MAL2: variants seen among roughly 807,000 people sequenced by gnomAD.
MAL2 encodes mal, T cell differentiation protein 2, also known as protein MAL2.
MAL2 carries 17 observed loss-of-function variants against 18.1 expected under a neutral mutation model. That is an observed-to-expected ratio of 0.94 (90% CI 0.64 to 1.41). The LOEUF (loss-of-function observed/expected upper bound fraction) is 1.41. Among genes scored for constraint, MAL2 ranks in the 40% most tolerant of loss-of-function variants. MAL2 has a pLI of 0.00. For missense variants in MAL2, 222 were observed against 231.9 expected, an observed-to-expected ratio of 0.96 and a Z score of 0.28; for synonymous variants, 102 against 102.3, an observed-to-expected ratio of 1.00 and a Z score of 0.02.
chr8:119,213,572 A>G (rs1013696421), intron 1 of MAL2, among the ~76,000 whole-genome samples: 2 of 152,134 alleles, frequency 1.3e-5, no homozygotes, highest in African/African-American at 2.4e-5. Context: ...TAATCCTAGC[A>G]CTTTGGGAGG....
chr8:119,219,573 G>C (rs1320032019), intron 1 of MAL2, among the ~76,000 whole-genome samples: 3 of 152,042 alleles, frequency 2.0e-5, no homozygotes, highest in Middle Eastern at 3.4e-3. Context: ...GAGACAGAGA[G>C]AGAGAGAGAG....
At chr8:119,212,193 T>C (rs1215416755) in intron 1 of MAL2, among the ~76,000 whole-genome samples, 2 of 152,224 alleles carry the variant, frequency 1.3e-5, no homozygotes, top group Admixed American at 1.3e-4. Flanking sequence ...GGATCCCTGC[T>C]CTCAATGAGC....
In MAL2 at chr8:119,243,683, CT is replaced by C. The variant is rs1010662315; in HGVS notation, c.*199del. On this transcript the variant is annotated 3_prime_UTR_variant, in exon 4 of 4. Coordinates refer to ENST00000614891, the MANE Select transcript of MAL2 (RefSeq NM_052886.3). ...TTTATTATGATATTAAAGAAATGGC[CT>C]TTTATTTTACATCTCTCCCCTTTTT... 11 of 410,134 alleles carry C rather than the reference CT, an allele frequency of 2.7e-5. No individual in the cohort carries two copies. The highest frequency in any genetic ancestry group is 2.3e-4 in the African/African-American group (11 of 48,634). The allele number at this position is 410,134 out of a possible 1,614,324, so 25.4% of individuals were successfully genotyped here. A position where few individuals can be genotyped will look rare whatever the true frequency, so the allele number is the denominator to read the frequency against.
chr8:119,224,589 T>TACATGAATGAATTGCATAG (rs1411828413), intron 2 of MAL2, among the ~76,000 whole-genome samples: 5 of 152,128 alleles, frequency 3.3e-5, no homozygotes, highest in African/African-American at 4.8e-5. Flanking sequence ...GGTTTTTTAT[T>TACATGAATGAATTGCATAG]ACATGAATGA....
intron 2 of MAL2, among the ~76,000 whole-genome samples, chr8:119,234,463 CAAG>C (rs1244420021): frequency 6.6e-6 from 1 of 152,212 alleles, no homozygotes; most frequent in Non-Finnish European, 1.5e-5. Context: ...CACCACAGCT[CAAG>C]AAGGCCTGCC....
intron 2 of MAL2, among the ~76,000 whole-genome samples, chr8:119,237,534 C>T (rs982784891): frequency 1.3e-5 from 2 of 151,556 alleles, no homozygotes; most frequent in Non-Finnish European, 2.9e-5. Context: ...ATGCAAAAAT[C>T]GTCAATAAAA....
intron 3 of MAL2, among the ~76,000 whole-genome samples, chr8:119,241,608 T>G (rs1448198005): frequency 6.6e-6 from 1 of 152,140 alleles, no homozygotes; most frequent in Non-Finnish European, 1.5e-5. Context: ...AGAGTGAGTT[T>G]TGAGGGGTAC....
rs1818097349 is a variant in MAL2, at chr8:119,243,735, T to C, written c.*247T>C. 5.8e-6 allele frequency: 2 copies of C among 344,146 alleles called. No individual in the cohort carries two copies. Among genetic ancestry groups the C allele is most frequent in the Non-Finnish European group, 1.0e-5 (2 of 192,060 alleles). The allele number at this position is 344,146 out of a possible 1,614,324, so 21.3% of individuals were successfully genotyped here. The stretch of plus-strand genomic sequence containing the variant: ...CCCTTTCCCCCTTTATTTTCCTCCT[T>C]TTCTTTCTGAAAGTTTCCTTTTATG... On this transcript the variant is annotated 3_prime_UTR_variant, in exon 4 of 4. Coordinates refer to ENST00000614891, the MANE Select transcript of MAL2 (RefSeq NM_052886.3).
chr8:119,216,800 A>C (rs538975650), intron 1 of MAL2, among the ~76,000 whole-genome samples: 3 of 152,140 alleles, frequency 2.0e-5, no homozygotes, highest in Non-Finnish European at 4.4e-5. Context: ...TCCTGTTCTC[A>C]TTCCAAACAT....
At position 119,244,944 on chromosome 8, in the gene MAL2, G is replaced by A. The variant is rs1221352914; in HGVS notation, c.*1456G>A. The A allele has an allele frequency of 1.3e-5, 2 of 152,568 alleles. No homozygotes were observed. The highest frequency in any genetic ancestry group is 2.4e-5 in the African/African-American group (1 of 41,450). The allele number at this position is 152,568 out of a possible 1,614,324, so 9.5% of individuals were successfully genotyped here. A position where few individuals can be genotyped will look rare whatever the true frequency, so the allele number is the denominator to read the frequency against. The stretch of plus-strand genomic sequence containing the variant: ...TTCAGCCCTTTACTTTCTGGCTGAA[G>A]CATCCCCTTGGAGTGCCATGTATAA... On this transcript the variant is annotated 3_prime_UTR_variant, in exon 4 of 4. Transcript: ENST00000614891.
intron 2 of MAL2, among the ~76,000 whole-genome samples, chr8:119,230,660 TTAAAGA>T (rs1407251622): frequency 6.6e-6 from 1 of 152,178 alleles, no homozygotes; most frequent in Non-Finnish European, 1.5e-5. Flanking sequence ...ATCTCTTTAT[TTAAAGA>T]TAAACTATTT....
intron 1 of MAL2, among the ~76,000 whole-genome samples, chr8:119,217,001 G>A (rs1198539401): frequency 3.9e-5 from 6 of 152,168 alleles, no homozygotes; most frequent in African/African-American, 1.2e-4. Context: ...ACATAAGACC[G>A]TCCAAACAGG....
intron 1 of MAL2, among the ~76,000 whole-genome samples, chr8:119,217,053 A>G (rs1817368623): frequency 6.6e-6 from 1 of 152,260 alleles, no homozygotes; most frequent in African/African-American, 2.4e-5. Context: ...CAGAATTGCA[A>G]GAGTTGCTAC....
At chr8:119,233,121 C>G (rs1208762714) in intron 2 of MAL2, among the ~76,000 whole-genome samples, 2 of 152,034 alleles carry the variant, frequency 1.3e-5, no homozygotes, top group Non-Finnish European at 2.9e-5. Flanking sequence ...TCTTTGAAAC[C>G]AATGAGAACA....
At chr8:119,216,703 A>G (rs1455175128) in intron 1 of MAL2, among the ~76,000 whole-genome samples, 6 of 152,210 alleles carry the variant, frequency 3.9e-5, no homozygotes, top group African/African-American at 1.2e-4. Flanking sequence ...AATTAGAAGG[A>G]GGGAGCTTAA....
intron 2 of MAL2, among the ~76,000 whole-genome samples, chr8:119,234,115 G>A (rs1010272442): frequency 6.6e-6 from 1 of 152,244 alleles, no homozygotes; most frequent in Non-Finnish European, 1.5e-5. Flanking sequence ...CCGTGCGCGA[G>A]CCGAAGCAGG....
At chr8:119,219,010 C>T (rs1817411711) in intron 1 of MAL2, among the ~76,000 whole-genome samples, 1 of 152,140 alleles carries the variant, frequency 6.6e-6, no homozygotes, top group African/African-American at 2.4e-5. Flanking sequence ...GATTGATCCA[C>T]TGAAGACATA....
At chr8:119,211,412 C>A (rs1435389440) in intron 1 of MAL2, among the ~76,000 whole-genome samples, 1 of 152,168 alleles carries the variant, frequency 6.6e-6, no homozygotes, top group Non-Finnish European at 1.5e-5. Context: ...TGAAACTTAA[C>A]ATGTGAAAAT....
At chr8:119,229,384 C>T (rs1817665462) in intron 2 of MAL2, among the ~76,000 whole-genome samples, 1 of 149,122 alleles carries the variant, frequency 6.7e-6, no homozygotes, top group African/African-American at 2.5e-5. Flanking sequence ...AGGATCTCTG[C>T]TCATTGCAAC....
Sources: gnomAD v4.1 joint callset for allele counts (sites outside exome capture counted in the v4.1 genomes callset) on GRCh38, gnomAD v4.1.1 for gene constraint, MANE v1.5 for transcripts, NCBI Gene and HGNC (gene_info 2026-07-23, HGNC 2026-07-21) for gene names.